Variants in DARS1 observed in about 807,000 individuals in gnomAD.
DARS1 encodes the protein aspartyl-tRNA synthetase 1.
A neutral mutation model predicts 68.8 loss-of-function variants in DARS1; 51 were observed. That is an observed-to-expected ratio of 0.74 (90% CI 0.59 to 0.94). DARS1 has a LOEUF of 0.94. DARS1 is among the 40% of genes least tolerant of loss of function. The pLI is 0.00. For synonymous variants in DARS1, 203 were observed against 190.4 expected (o/e 1.07, Z -0.55); for missense variants, 607 against 597.3 (o/e 1.02, Z -0.17).
intron 3 of DARS1, among the ~76,000 whole-genome samples, chr2:135,962,878 T>G (rs1464307313): frequency 6.6e-6 from 1 of 152,216 alleles, no homozygotes; most frequent in African/African-American, 2.4e-5. Flanking sequence ...ACAGCCACGT[T>G]ACCCCACTTA....
chr2:135,917,610 G>C (rs543267474), intron 10 of DARS1, among the ~76,000 whole-genome samples: 2 of 151,970 alleles, frequency 1.3e-5, no homozygotes, highest in Non-Finnish European at 2.9e-5. Flanking sequence ...CTGAGTAGCT[G>C]GGACTACAGG....
At chr2:135,955,216 T>C (rs1681945641) in intron 4 of DARS1, among the ~76,000 whole-genome samples, 1 of 151,794 alleles carries the variant, frequency 6.6e-6, no homozygotes, top group Non-Finnish European at 1.5e-5. Context: ...TGCGTATTTA[T>C]ATATCCTTAT....
chr2:135,932,759 A>G (rs1353660819), intron 7 of DARS1, 24 bp downstream of exon 7: 2 of 1,068,100 alleles, frequency 1.9e-6, no homozygotes, highest in Non-Finnish European at 2.9e-6. Context: ...TAATTGCTTC[A>G]CTTAATAAAT....
chr2:135,978,053 G>C (rs1339440580), intron 3 of DARS1, among the ~76,000 whole-genome samples: 2 of 136,250 alleles, frequency 1.5e-5, no homozygotes, highest in Non-Finnish European at 3.0e-5. Flanking sequence ...TGAGACAGGA[G>C]AATCACTTGA....
chr2:135,979,497 C>A (rs1160122815), intron 2 of DARS1, 131 bp from the exon 3 acceptor site: 4 of 608,142 alleles, frequency 6.6e-6, no homozygotes, highest in Non-Finnish European at 1.2e-5. Flanking sequence ...CAATCTTTGA[C>A]AACACTGTCT....
intron 3 of DARS1, among the ~76,000 whole-genome samples, chr2:135,965,429 A>AG (rs1355398298): frequency 6.6e-6 from 1 of 152,216 alleles, no homozygotes; most frequent in African/African-American, 2.4e-5. Context: ...TGAAGGAACA[A>AG]GAAAAAAACC....
chr2:135,950,810 C>T (rs530527073), intron 4 of DARS1, among the ~76,000 whole-genome samples: 53 of 152,248 alleles, frequency 3.5e-4, no homozygotes, highest in African/African-American at 1.3e-3. Context: ...ATGCCATGAA[C>T]ACACAGGATA....
intron 4 of DARS1, among the ~76,000 whole-genome samples, chr2:135,944,646 A>G (rs182011356): frequency 6.6e-6 from 1 of 152,290 alleles, no homozygotes; most frequent in Non-Finnish European, 1.5e-5. Context: ...GCTATCACCT[A>G]ATACCTAGCT....
At position 135,980,857 on chromosome 2, in the gene DARS1, G is replaced by A. The variant is rs570201141; in HGVS notation, c.125-1491C>T. On this transcript the variant is annotated intron_variant, in intron 2 of 15. Transcript: ENST00000264161. The stretch of plus-strand genomic sequence containing the variant: ...ACTTTGGAGAAGAAAAAGGGTAATG[G>A]CTCTTCTTTCTTGTGGCATGGCAAT... Among the ~76,000 whole-genome samples, 37 of 152,310 alleles carry A rather than the reference G, an allele frequency of 2.4e-4. 1 individual carries two copies. Among genetic ancestry groups the A allele is most frequent in the Admixed American group, 6.5e-4 (10 of 15,298 alleles).
In DARS1 at chr2:135,911,379, T is replaced by G. The variant is rs773055586; in HGVS notation, c.1342+3A>C. 1 of 914,066 alleles carries G rather than the reference T, an allele frequency of 1.1e-6. No individual in the cohort carries two copies. The highest frequency in any genetic ancestry group is 1.6e-5 in the African/African-American group (1 of 61,710). The allele number at this position is 914,066 out of a possible 1,614,324, so 56.6% of individuals were successfully genotyped here. ...CTCCCCTAAATTATTTTAAGTTGTT[T>G]ACCAATTCCATGATGTAAAGCTCTC... is the stretch of plus-strand genomic sequence containing the variant. On this transcript the variant is annotated splice_donor_region_variant and intron_variant, in intron 14 of 15. Coordinates refer to ENST00000264161, the MANE Select transcript of DARS1 (RefSeq NM_001349.4).
chr2:135,934,236 T>A (rs1007213614), intron 5 of DARS1, among the ~76,000 whole-genome samples: 3 of 152,178 alleles, frequency 2.0e-5, no homozygotes, highest in Non-Finnish European at 4.4e-5. Flanking sequence ...GTAACATATA[T>A]AAAAATTATT....
rs11548872 is a variant in DARS1 at position 135,985,510 on chromosome 2, G to C, written c.-42C>G. On this transcript the variant is annotated 5_prime_UTR_variant, in exon 1 of 16. Coordinates refer to ENST00000264161, the MANE Select transcript of DARS1 (RefSeq NM_001349.4). ...GCAGTGGACACCACCCTCCCTCGCA[G>C]GCTTCCGTAAGGCAGGCCAAAGGGG... 6.0e-3 allele frequency: 9,723 copies of C among 1,613,704 alleles called. 737 individuals carry two copies. The East Asian group carries it at 0.17, about 29-fold the overall frequency.
At chr2:135,972,091 A>C (rs1005545483) in intron 3 of DARS1, among the ~76,000 whole-genome samples, 7 of 152,230 alleles carry the variant, frequency 4.6e-5, no homozygotes, top group Non-Finnish European at 8.8e-5. Context: ...CCTAAAATTT[A>C]CATGAAATCA....
chr2:135,931,356 C>A (rs1681344378), intron 7 of DARS1, among the ~76,000 whole-genome samples: 1 of 152,162 alleles, frequency 6.6e-6, no homozygotes, highest in Non-Finnish European at 1.5e-5. Flanking sequence ...CCTGCTTCAG[C>A]CTCCTGAGTA....
intron 10 of DARS1, among the ~76,000 whole-genome samples, chr2:135,919,622 T>C (rs2322725): frequency 0.19 from 28,820 of 152,142 alleles, 3,332 homozygotes; most frequent in South Asian, 0.35. Flanking sequence ...TTTTCCTATT[T>C]TCTCTATGTT....
At chr2:135,929,777 A>G (rs963647196) in intron 7 of DARS1, among the ~76,000 whole-genome samples, 1 of 152,176 alleles carries the variant, frequency 6.6e-6, no homozygotes, top group Non-Finnish European at 1.5e-5. Context: ...TGGGCTATTG[A>G]TATTATCTAA....
At chr2:135,919,535 A>C (rs1479640974) in intron 10 of DARS1, among the ~76,000 whole-genome samples, 5 of 152,226 alleles carry the variant, frequency 3.3e-5, no homozygotes, top group Admixed American at 3.3e-4. Context: ...CTTACCTAAT[A>C]CTTGAAATAT....
intron 4 of DARS1, among the ~76,000 whole-genome samples, chr2:135,961,034 T>A (rs962093541): frequency 6.6e-6 from 1 of 152,142 alleles, no homozygotes; most frequent in African/African-American, 2.4e-5. Context: ...TTGCTCAACA[T>A]GCAAATCTCA....
intron 4 of DARS1, among the ~76,000 whole-genome samples, chr2:135,946,237 A>G (rs1681717289): frequency 6.6e-6 from 1 of 152,182 alleles, no homozygotes; most frequent in South Asian, 2.1e-4. Flanking sequence ...GACATTGTAT[A>G]TGAAGATGGC....
Sources: gnomAD v4.1 joint callset for allele counts (sites outside exome capture counted in the v4.1 genomes callset) on GRCh38, gnomAD v4.1.1 for gene constraint, MANE v1.5 for transcripts, NCBI Gene and HGNC (gene_info 2026-07-23, HGNC 2026-07-21) for gene names.